The following EIF3CL variants were observed in gnomAD, a reference collection of about 807,000 sequenced individuals.
The protein encoded by EIF3CL is eukaryotic translation initiation factor 3 subunit C like, also known as eukaryotic translation initiation factor 3 subunit C-like protein.
For missense variants in EIF3CL, 5 were observed against 56.1 expected (o/e 0.09, Z 2.91); for synonymous variants, 2 against 19.6 (o/e 0.10, Z 2.37).
At chr16:28,385,375 C>T (rs1401475838) in intron 15 of EIF3CL, among the ~76,000 whole-genome samples, 1 of 125,230 alleles carries the variant, frequency 8.0e-6, no homozygotes, top group African/African-American at 2.7e-5. Flanking sequence ...CTCTGTTGCC[C>T]AGGCTAGAGT....
chr16:28,417,578 C>A, the EIF3CL span, among the ~76,000 whole-genome samples: 1 of 105,654 alleles, frequency 9.5e-6, no homozygotes, highest in South Asian at 3.0e-4. Flanking sequence ...GGATTAAGGG[C>A]GGTGCAAGAT....
intron 15 of EIF3CL, among the ~76,000 whole-genome samples, chr16:28,387,759 CT>C (rs548190992): frequency 1.2e-3 from 148 of 121,416 alleles, no homozygotes; most frequent in Admixed American, 2.7e-3. Flanking sequence ...CCAGACACAG[CT>C]TTTTTTTTTT....
chr16:28,417,840 A>C, the EIF3CL span, among the ~76,000 whole-genome samples: 5 of 148,724 alleles, frequency 3.4e-5, no homozygotes, highest in Admixed American at 1.4e-4. Context: ...AAAAAAAAAA[A>C]AAACTCAAAT....
At chr16:28,421,849 T>C in the EIF3CL span, among the ~76,000 whole-genome samples, 2 of 137,874 alleles carry the variant, frequency 1.5e-5, no homozygotes, top group South Asian at 4.6e-4. Flanking sequence ...ATTGGATTTT[T>C]CTCTTGCTAT....
At chr16:28,387,633 A>G (rs1037027629) in intron 15 of EIF3CL, among the ~76,000 whole-genome samples, 1 of 150,402 alleles carries the variant, frequency 6.6e-6, no homozygotes, top group Non-Finnish European at 1.5e-5. Context: ...ATAGAATAGA[A>G]ACACAAACAG....
chr16:28,417,588 T>A, the EIF3CL span, among the ~76,000 whole-genome samples: 2 of 105,008 alleles, frequency 1.9e-5, no homozygotes, highest in African/African-American at 6.8e-5. Context: ...CGGTGCAAGA[T>A]GTGCTTTGTT....
In EIF3CL at chr16:28,382,218, A is replaced by T. The variant is rs557510961; in HGVS notation, c.2185+900T>A. On this transcript the variant is annotated intron_variant, in intron 16 of 20. Transcript: ENST00000380876. The stretch of plus-strand genomic sequence containing the variant: ...GTGAGGCTCCGTCTCAAAAAAAAAA[A>T]AAAAGAAAGAAAGAAAGAAAAAGGC... Among the ~76,000 whole-genome samples, 39 of 91,512 alleles carry T rather than the reference A, an allele frequency of 4.3e-4. 3 individuals are homozygous for T. In the East Asian group the frequency reaches 0.014, roughly 33 times the overall value. The allele number at this position is 91,512 out of a possible 152,430, so 60.0% of individuals were successfully genotyped here.
In EIF3CL at chr16:28,386,792, TACAC is replaced by T. The variant is rs1181105883; in HGVS notation, c.1821+1262_1821+1265del. Among the ~76,000 whole-genome samples, 36 of 76,244 alleles carry T rather than the reference TACAC, an allele frequency of 4.7e-4. 8 individuals are homozygous for T. Among genetic ancestry groups the T allele is most frequent in the African/African-American group, 1.7e-3 (33 of 18,866 alleles). The allele number at this position is 76,244 out of a possible 152,430, so 50.0% of individuals were successfully genotyped here. ...CACACACACACACACCCCTAAAAGA[TACAC>T]ACACACACACCCCCTAAAAGATACA... On this transcript the variant is annotated intron_variant, in intron 15 of 20. Transcript: ENST00000380876.
the EIF3CL span, among the ~76,000 whole-genome samples, chr16:28,416,687 C>T: frequency 2.6e-5 from 3 of 115,856 alleles, no homozygotes; most frequent in East Asian, 5.7e-4. Flanking sequence ...CGTCTCCGCC[C>T]GGCAGCCACC....
intron 8 of EIF3CL, among the ~76,000 whole-genome samples, chr16:28,396,635 T>C (rs562768740): frequency 2.5e-5 from 2 of 80,876 alleles, no homozygotes; most frequent in Admixed American, 1.6e-4. Flanking sequence ...ACCACTGCAC[T>C]CCAGCCTGGG....
At chr16:28,414,603 T>C in the EIF3CL span, 2 of 268,712 alleles carry the variant, frequency 7.4e-6, no homozygotes, top group Non-Finnish European at 7.3e-6. Context: ...GGTCTGCTTC[T>C]GGCAGTTCTT....
the EIF3CL span, among the ~76,000 whole-genome samples, chr16:28,417,340 G>A: frequency 3.5e-5 from 5 of 144,440 alleles, no homozygotes; most frequent in Non-Finnish European, 7.6e-5. Context: ...TTGAGAACGG[G>A]CCAGGATGAC....
the EIF3CL span, among the ~76,000 whole-genome samples, chr16:28,417,488 C>T: frequency 5.6e-4 from 68 of 122,340 alleles, no homozygotes; most frequent in African/African-American, 2.0e-3. Context: ...ATTCCTCTGC[C>T]TTGGGATCCT....
At chr16:28,381,447 CTGGAA>C in intron 16 of EIF3CL, among the ~76,000 whole-genome samples, 1 of 145,658 alleles carries the variant, frequency 6.9e-6, no homozygotes, top group East Asian at 2.2e-4. Flanking sequence ...TCCAGCTCAA[CTGGAA>C]TGGAATTTAC....
intron 2 of EIF3CL, among the ~76,000 whole-genome samples, chr16:28,403,177 C>T (rs1399212786): frequency 1.6e-5 from 2 of 126,502 alleles, no homozygotes; most frequent in African/African-American, 5.6e-5. Flanking sequence ...TTTTGCATTT[C>T]CTTCTGTGAG....
At chr16:28,418,765 G>C in the EIF3CL span, among the ~76,000 whole-genome samples, 1 of 150,622 alleles carries the variant, frequency 6.6e-6, no homozygotes, top group Non-Finnish European at 1.5e-5. Flanking sequence ...GAGTAGCCAG[G>C]ATTACAGGCA....
chr16:28,412,975 C>T, the EIF3CL span, among the ~76,000 whole-genome samples: 1 of 146,068 alleles, frequency 6.8e-6, no homozygotes, highest in Non-Finnish European at 1.5e-5. Context: ...GCATTAATAC[C>T]ATCATGAAGT....
chr16:28,422,190 TAACA>T, the EIF3CL span, among the ~76,000 whole-genome samples: 1 of 97,240 alleles, frequency 1.0e-5, no homozygotes, highest in African/African-American at 3.4e-5. Flanking sequence ...AAAAGCTAGC[TAACA>T]AAGCCTCTCA....
At chr16:28,415,725 G>A in the EIF3CL span, among the ~76,000 whole-genome samples, 336 of 135,352 alleles carry the variant, frequency 2.5e-3, 26 homozygotes, top group Admixed American at 6.6e-3. Context: ...ACTCCAGTCT[G>A]AGCAACAGAG....
Sources: allele counts gnomAD v4.1 joint callset (sites outside exome capture counted in the v4.1 genomes callset), GRCh38; gene constraint gnomAD v4.1.1; transcripts MANE v1.5; gene names NCBI Gene and HGNC (gene_info 2026-07-23, HGNC 2026-07-21).